Variants in LINGO2 observed in about 807,000 individuals in gnomAD.
LINGO2 encodes leucine-rich repeat and immunoglobulin-like domain-containing nogo receptor-interacting protein 2.
Under a neutral mutation model 30.6 loss-of-function variants are expected in LINGO2, and 14 were observed. The ratio of observed to expected loss-of-function variants is 0.46; its 90% confidence interval spans 0.30 to 0.72. The LOEUF (loss-of-function observed/expected upper bound fraction) is 0.72. Ranked by LOEUF, LINGO2 falls within the 30% of genes least tolerant of loss-of-function variation. The pLI, the probability that LINGO2 is intolerant of heterozygous loss-of-function variation, is 0.07. For synonymous variants in LINGO2, 317 were observed against 288.5 expected (o/e 1.10, Z -1.00); for missense variants, 729 against 751.7 (o/e 0.97, Z 0.35).
intron 1 of LINGO2, among the ~76,000 whole-genome samples, chr9:28,658,461 G>T: frequency 6.6e-6 from 1 of 151,406 alleles, no homozygotes; most frequent in South Asian, 2.1e-4. Context: ...ACATCTTCTT[G>T]GTGATCTGAC....
At chr9:29,096,447 A>C in the LINGO2 span, among the ~76,000 whole-genome samples, 97 of 138,998 alleles carry the variant, frequency 7.0e-4, 16 homozygotes, top group African/African-American at 2.6e-3. Flanking sequence ...CATTATGCCC[A>C]TCTAATTTTT....
intron 4 of LINGO2, among the ~76,000 whole-genome samples, chr9:28,225,383 T>C (rs1159564982): frequency 1.3e-5 from 2 of 152,124 alleles, no homozygotes; most frequent in Non-Finnish European, 2.9e-5. Context: ...CAAATTACTA[T>C]ATATGTTAAA....
At chr9:28,608,174 ATCTT>A (rs1825771775) in intron 1 of LINGO2, among the ~76,000 whole-genome samples, 1 of 151,394 alleles carries the variant, frequency 6.6e-6, no homozygotes, top group Non-Finnish European at 1.5e-5. Flanking sequence ...ACTTAGTACT[ATCTT>A]TCTTATATTC....
At chr9:27,957,823 A>G (rs1383631456) in intron 5 of LINGO2, among the ~76,000 whole-genome samples, 3 of 152,224 alleles carry the variant, frequency 2.0e-5, no homozygotes, top group Non-Finnish European at 4.4e-5. Context: ...GTATTGAACA[A>G]CTTTCCAATT....
At chr9:28,471,311 G>A (rs1260231835) in intron 2 of LINGO2, among the ~76,000 whole-genome samples, 1 of 152,158 alleles carries the variant, frequency 6.6e-6, no homozygotes, top group African/African-American at 2.4e-5. Context: ...AAAAACAGAA[G>A]GGCAAGACAG....
chr9:28,149,232 T>C, intron 4 of LINGO2: 4 of 917,312 alleles, frequency 4.4e-6, no homozygotes, highest in Non-Finnish European at 6.6e-6. Flanking sequence ...GGCCCACGCC[T>C]GTAATCAAGC....
intron 2 of LINGO2, among the ~76,000 whole-genome samples, chr9:28,427,080 T>G (rs1156591018): frequency 6.6e-6 from 1 of 152,140 alleles, no homozygotes; most frequent in Non-Finnish European, 1.5e-5. Flanking sequence ...GCTTTGGATA[T>G]CAAATAAATC....
At chr9:29,137,718 C>G in the LINGO2 span, among the ~76,000 whole-genome samples, 1 of 152,092 alleles carries the variant, frequency 6.6e-6, no homozygotes, top group Non-Finnish European at 1.5e-5. Context: ...AAATTTTCAC[C>G]AATCTCCCTC....
At chr9:28,780,298 T>C in the LINGO2 span, among the ~76,000 whole-genome samples, 7 of 152,326 alleles carry the variant, frequency 4.6e-5, no homozygotes, top group Admixed American at 1.3e-4. Context: ...AGTTCAATAT[T>C]TGAGCCTATT....
In LINGO2 at chr9:28,250,140, G is replaced by A. The variant is rs566489318; in HGVS notation, c.-87+45068C>T. 9.9e-5 allele frequency among the ~76,000 whole-genome samples: 15 copies of A among 152,264 alleles called. No homozygotes were observed. In the East Asian group the frequency reaches 1.7e-3, roughly 18 times the overall value. ...ATGGGTCTTAACAATGAGTGGTTAA[G>A]AAGGAAAGGGATTGGATTTCTGGAT... is the stretch of plus-strand genomic sequence containing the variant. On this transcript the variant is annotated intron_variant, in intron 4 of 5. Transcript: ENST00000379992.
chr9:28,803,787 A>G, the LINGO2 span, among the ~76,000 whole-genome samples: 5 of 152,082 alleles, frequency 3.3e-5, no homozygotes, highest in Non-Finnish European at 4.4e-5. Context: ...CTTAATATAC[A>G]TGAAATTTGA....
Position 28,160,527 on chromosome 9 carries a change from T to C in LINGO2, c.-87+134681A>G, listed in dbSNP as rs745632779. The stretch of plus-strand genomic sequence containing the variant: ...CAACTCACATGTCCAGACTGTCCCA[T>C]AAAAGACAAAATTCAGAATCTCTGT... On this transcript the variant is annotated intron_variant, in intron 4 of 5. Coordinates refer to ENST00000379992, the Ensembl canonical transcript of LINGO2. 7.2e-5 allele frequency among the ~76,000 whole-genome samples: 11 copies of C among 152,288 alleles called. 1 individual carries two copies.
At chr9:28,184,071 G>T (rs1462806090) in intron 4 of LINGO2, among the ~76,000 whole-genome samples, 1 of 152,058 alleles carries the variant, frequency 6.6e-6, no homozygotes, top group Non-Finnish European at 1.5e-5. Context: ...TGACCATCTT[G>T]TTGCTGGATT....
At chr9:28,247,009 A>G (rs1822027155) in intron 4 of LINGO2, among the ~76,000 whole-genome samples, 1 of 152,242 alleles carries the variant, frequency 6.6e-6, no homozygotes, top group Non-Finnish European at 1.5e-5. Flanking sequence ...AAAGCTCAAC[A>G]TCACTGATCA....
the LINGO2 span, among the ~76,000 whole-genome samples, chr9:29,008,660 C>A: frequency 6.6e-6 from 1 of 152,152 alleles, no homozygotes; most frequent in Non-Finnish European, 1.5e-5. Flanking sequence ...TTTTGATTTG[C>A]ATTTCTCTGA....
At chr9:28,089,304 C>T (rs1280092657) in intron 4 of LINGO2, among the ~76,000 whole-genome samples, 4 of 152,170 alleles carry the variant, frequency 2.6e-5, no homozygotes, top group Non-Finnish European at 5.9e-5. Flanking sequence ...AAATTGACCA[C>T]ACAGTTGGAA....
chr9:28,498,684 A>G (rs1413288777), intron 1 of LINGO2, among the ~76,000 whole-genome samples: 2 of 151,492 alleles, frequency 1.3e-5, no homozygotes, highest in African/African-American at 4.9e-5. Context: ...TCTCCAACAA[A>G]CCCCAGTGAG....
At position 28,276,773 on chromosome 9, in the gene LINGO2, G is replaced by C. The variant is rs895937630; in HGVS notation, c.-87+18435C>G. On this transcript the variant is annotated intron_variant, in intron 4 of 5. Coordinates refer to ENST00000379992, the Ensembl canonical transcript of LINGO2. ...TGGGCAATATTCCTGAGCTACAGGG[G>C]GATAAAATGCATCTATCCCTTTTTG... Among the ~76,000 whole-genome samples, 5 of 152,040 alleles carry C rather than the reference G, an allele frequency of 3.3e-5. No homozygotes were observed. The South Asian group carries it at 6.2e-4, about 19-fold the overall frequency.
At chr9:28,099,428 C>T (rs1826345134) in intron 4 of LINGO2, among the ~76,000 whole-genome samples, 1 of 151,922 alleles carries the variant, frequency 6.6e-6, no homozygotes, top group Admixed American at 6.6e-5. Flanking sequence ...GCTTAAATAC[C>T]ACGTGGACAA....
Sources: allele counts gnomAD v4.1 joint callset (sites outside exome capture counted in the v4.1 genomes callset), GRCh38; gene constraint gnomAD v4.1.1; transcripts MANE v1.5; gene names NCBI Gene and HGNC (gene_info 2026-07-23, HGNC 2026-07-21).